ULK2: variants seen among roughly 807,000 people sequenced by gnomAD.
ULK2 encodes serine/threonine-protein kinase ULK2.
Under a neutral mutation model 127.5 loss-of-function variants are expected in ULK2, and 76 were observed. The ratio of observed to expected loss-of-function variants is 0.60; its 90% CI spans 0.50 to 0.72. The LOEUF (loss-of-function observed/expected upper bound fraction) is 0.72. Among genes scored for constraint, ULK2 ranks in the 30% least tolerant of loss-of-function variants. The pLI is 0.00. For missense variants in ULK2, 1,144 were observed against 1,295.9 expected, an observed-to-expected ratio of 0.88 and a Z score of 1.80; for synonymous variants, 452 against 461.9, an observed-to-expected ratio of 0.98 and a Z score of 0.28.
intron 10 of ULK2, among the ~76,000 whole-genome samples, chr17:19,837,894 C>G (rs944387331): frequency 1.3e-5 from 2 of 152,200 alleles, no homozygotes; most frequent in African/African-American, 2.4e-5. Context: ...CCAGCTTGAT[C>G]CTTTTTAAAA....
At chr17:19,838,449 C>G in intron 10 of ULK2, 52 bp downstream of exon 10, 2 of 1,458,698 alleles carry the variant, frequency 1.4e-6, no homozygotes, top group Non-Finnish European at 1.9e-6. Flanking sequence ...AATCTTTCGG[C>G]ATATATAACA....
At chr17:19,831,027 T>TCA (rs1555561409) in intron 10 of ULK2, among the ~76,000 whole-genome samples, 5 of 136,932 alleles carry the variant, frequency 3.7e-5, no homozygotes, top group African/African-American at 1.4e-4. Flanking sequence ...ACTCCGTCGC[T>TCA]AAAAAAAAAA....
rs2086778131 is a variant in ULK2 at position 19,774,286 on chromosome 17, C to G, written c.*2063G>C. 6.6e-6 allele frequency: 1 copy of G among 152,620 alleles called. No individual in the cohort carries two copies. The highest frequency in any genetic ancestry group is 2.4e-5 in the African/African-American group (1 of 41,450). The allele number at this position is 152,620 out of a possible 1,614,324, so 9.5% of individuals were successfully genotyped here. Reference sequence around the variant, plus strand: ...TTGTTCTTTTCTGCTGTTGAGACTTCACTGTTTCACACACACCATCTACCC... The same window carrying G: ...TTGTTCTTTTCTGCTGTTGAGACTTGACTGTTTCACACACACCATCTACCC... On this transcript the variant is annotated 3_prime_UTR_variant, in exon 27 of 27. Coordinates refer to ENST00000395544, the MANE Select transcript of ULK2 (RefSeq NM_014683.4).
chr17:19,831,770 T>C (rs1217934706), intron 10 of ULK2, among the ~76,000 whole-genome samples: 1 of 152,058 alleles, frequency 6.6e-6, no homozygotes, highest in Non-Finnish European at 1.5e-5. Context: ...GGGGTTGTAG[T>C]GAGTCAAGAC....
intron 16 of ULK2, among the ~76,000 whole-genome samples, chr17:19,801,390 T>C (rs1324188932): frequency 6.6e-6 from 1 of 152,108 alleles, no homozygotes; most frequent in Non-Finnish European, 1.5e-5. Context: ...CTGGGTAACA[T>C]AGTGAAACTT....
intron 20 of ULK2, among the ~76,000 whole-genome samples, chr17:19,795,395 T>TTAG (rs1179914672): frequency 7.1e-6 from 1 of 141,072 alleles, no homozygotes; most frequent in Non-Finnish European, 1.5e-5. Flanking sequence ...ACTCCTTCCA[T>TTAG]TAGTAACGCA....
chr17:19,851,502 T>C (rs2042015461), intron 3 of ULK2, among the ~76,000 whole-genome samples: 2 of 151,334 alleles, frequency 1.3e-5, no homozygotes, highest in Admixed American at 1.3e-4. Context: ...TAGCCGGGCG[T>C]GGTGGTGCAC....
At chr17:19,863,199 G>C (rs568906319) in intron 3 of ULK2, among the ~76,000 whole-genome samples, 43 of 151,446 alleles carry the variant, frequency 2.8e-4, no homozygotes, top group African/African-American at 1.0e-3. Context: ...TGGGCGACAA[G>C]AGTGAGACTG....
intron 20 of ULK2, among the ~76,000 whole-genome samples, chr17:19,790,853 A>G (rs1473273201): frequency 6.6e-6 from 1 of 152,242 alleles, no homozygotes; most frequent in African/African-American, 2.4e-5. Context: ...AAAGAGCAGG[A>G]GTAGCTATAC....
intron 3 of ULK2, among the ~76,000 whole-genome samples, chr17:19,860,557 T>C (rs1238659418): frequency 2.0e-5 from 3 of 149,394 alleles, no homozygotes; most frequent in Non-Finnish European, 4.4e-5. Flanking sequence ...GGAGTTTCCC[T>C]CTTGTTGCCC....
chr17:19,777,173 C>T (rs2086827582), intron 26 of ULK2, among the ~76,000 whole-genome samples: 1 of 152,208 alleles, frequency 6.6e-6, no homozygotes, highest in South Asian at 2.1e-4. Flanking sequence ...GGCACAATCT[C>T]AGCTCACTGC....
chr17:19,793,193 T>C (rs917404461), intron 20 of ULK2, among the ~76,000 whole-genome samples: 13 of 152,218 alleles, frequency 8.5e-5, no homozygotes, highest in South Asian at 2.1e-4. Context: ...GAAGAGCCCC[T>C]TATAAAACCA....
chr17:19,814,866 A>G (rs1181494120), intron 13 of ULK2, among the ~76,000 whole-genome samples: 1 of 152,102 alleles, frequency 6.6e-6, no homozygotes, highest in Non-Finnish European at 1.5e-5. Context: ...TTGGACAGTG[A>G]AAAGGTAGAA....
intron 1 of ULK2, among the ~76,000 whole-genome samples, chr17:19,866,922 G>A (rs1311052652): frequency 6.6e-6 from 1 of 152,128 alleles, no homozygotes; most frequent in East Asian, 1.9e-4. Flanking sequence ...CCCATTTTCC[G>A]CTGGGTCTGT....
intron 3 of ULK2, among the ~76,000 whole-genome samples, chr17:19,853,758 A>C (rs919533813): frequency 3.3e-5 from 5 of 151,802 alleles, no homozygotes; most frequent in African/African-American, 1.2e-4. Context: ...TTTTTAGTAG[A>C]GATGGGGTTT....
At chr17:19,823,027 T>C (rs2041198198) in intron 12 of ULK2, among the ~76,000 whole-genome samples, 1 of 150,886 alleles carries the variant, frequency 6.6e-6, no homozygotes. Flanking sequence ...GTTCTTACTA[T>C]GTTGCCCAGT....
At position 19,773,627 on chromosome 17, in the gene ULK2, G is replaced by A. The variant is rs1235649468; in HGVS notation, c.*2722C>T. 6.6e-6 allele frequency: 1 copy of A among 152,254 alleles called. No individual in the cohort carries two copies. The highest frequency in any genetic ancestry group is 2.4e-5 in the African/African-American group (1 of 41,452). The allele number at this position is 152,254 out of a possible 1,614,324, so 9.4% of individuals were successfully genotyped here. A position where few individuals can be genotyped will look rare whatever the true frequency, so the allele number is the denominator to read the frequency against. ...GCTGTTGCAAATGCTGAGTGGAGAG[G>A]AGAAAGCCTCAGCAGAGAGGCGAGC... is the stretch of plus-strand genomic sequence containing the variant. On this transcript the variant is annotated 3_prime_UTR_variant, in exon 27 of 27. Transcript: ENST00000395544.
intron 9 of ULK2, among the ~76,000 whole-genome samples, chr17:19,839,473 TG>T (rs1359780757): frequency 1.3e-5 from 2 of 152,022 alleles, no homozygotes; most frequent in Non-Finnish European, 2.9e-5. Context: ...AAGACCAGCC[TG>T]AACAACATGG....
chr17:19,820,141 C>A (rs1457523349), intron 12 of ULK2, among the ~76,000 whole-genome samples: 2 of 151,588 alleles, frequency 1.3e-5, no homozygotes, highest in African/African-American at 4.9e-5. Context: ...CTCCGCCTCC[C>A]GGGTTCAAGC....
Sources: allele counts gnomAD v4.1 joint callset (sites outside exome capture counted in the v4.1 genomes callset), GRCh38; gene constraint gnomAD v4.1.1; transcripts MANE v1.5; gene names NCBI Gene and HGNC (gene_info 2026-07-23, HGNC 2026-07-21).